ARRB2: variants seen among roughly 807,000 people sequenced by gnomAD.
ARRB2 encodes the protein beta-arrestin-2.
ARRB2 carries 21 observed loss-of-function variants against 53.4 expected under a neutral mutation model. The observed-to-expected ratio is 0.39, with a 90% CI of 0.28 to 0.57. The LOEUF is 0.57. Ranked by LOEUF, ARRB2 falls within the 20% of genes least tolerant of loss-of-function variation. The probability of loss-of-function intolerance (pLI) is 0.55; values close to 1 mark genes in which losing one functional copy is unlikely to be tolerated. For synonymous variants in ARRB2, 180 were observed against 212.9 expected (o/e 0.85, Z 1.34); for missense variants, 369 against 527.5 (o/e 0.70, Z 2.94).
In ARRB2 at chr17:4,716,516, C is replaced by T; in HGVS notation, c.265C>T (p.Pro89Ser). The T allele has an allele frequency of 6.2e-7, 1 of 1,613,390 alleles. No individual in the cohort carries two copies. The highest frequency in any genetic ancestry group is 8.5e-7 in the Non-Finnish European group (1 of 1,179,936). ...GTTCATCGCCACCTACCAGGCCTTCCCCCCGGTGCCCAACCCACCCCGGCC... is the reference window on the plus strand; with the variant it reads ...GTTCATCGCCACCTACCAGGCCTTCTCCCCGGTGCCCAACCCACCCCGGCC... ...DLFIATYQAF[P>S]PVPNPPRPPT... Residue 89 changes from proline to serine, a missense_variant, in exon 5 of 15, where the codon CCC becomes TCC. By Grantham distance (74) the Pro-to-Ser change is moderately conservative (BLOSUM62 -1). Coordinates refer to ENST00000269260, the MANE Select transcript of ARRB2 (RefSeq NM_004313.4).
chr17:4,715,720 C>CACAAACACACAA (rs1555559654), intron 2 of ARRB2: 9 of 397,180 alleles, frequency 2.3e-5, no homozygotes, highest in Non-Finnish European at 4.1e-5. Flanking sequence ...CACACACACA[C>CACAAACACACAA]ACACAAACAC....
At chr17:4,720,847 C>A in intron 14 of ARRB2, 99 bp from the exon 15 acceptor site, 1 of 1,313,386 alleles carries the variant, frequency 7.6e-7, no homozygotes, top group Middle Eastern at 1.9e-4. Context: ...TGTTCGAACG[C>A]CTCTGTCCCA....
intron 8 of ARRB2, 98 bp from the exon 9 acceptor site, chr17:4,718,163 G>A: frequency 6.5e-7 from 1 of 1,545,030 alleles, no homozygotes; most frequent in Non-Finnish European, 8.8e-7. Flanking sequence ...TGGGTTTGAG[G>A]GGAGGGGGCC....
Position 4,716,036 on chromosome 17 carries a change from A to C in ARRB2, c.115+3A>C. ...CCTGGACAAAGTGGACCCTGTAGGT[A>C]AGTTTTCCCAGAAAGGGACAGCTCG... On this transcript the variant is annotated splice_donor_region_variant and intron_variant, in intron 3 of 14. Coordinates refer to ENST00000269260, the MANE Select transcript of ARRB2 (RefSeq NM_004313.4). 1 of 1,614,166 alleles carries C rather than the reference A, an allele frequency of 6.2e-7. No individual in the cohort carries two copies. Among genetic ancestry groups the C allele is most frequent in the Non-Finnish European group, 8.5e-7 (1 of 1,180,028 alleles).
At chr17:4,718,055 G>C in intron 8 of ARRB2, 32 bp downstream of exon 8, 18 of 1,611,336 alleles carry the variant, frequency 1.1e-5, no homozygotes, top group Non-Finnish European at 1.4e-5. Flanking sequence ...CGGATGCCAC[G>C]GTGCAGTTTA....
Position 4,720,260 on chromosome 17 carries a change from C to T in ARRB2, c.962C>T (p.Ser321Phe), listed in dbSNP as rs779041098. 3 of 1,613,918 alleles carry T rather than the reference C, an allele frequency of 1.9e-6. No homozygotes were observed. The Admixed American group carries it at 5.0e-5, about 27-fold the overall frequency. Reference protein sequence around the residue: ...ANKEVLGILVSYRVKVKLVVS... With the variant: ...ANKEVLGILVFYRVKVKLVVS... ...AAGGAGGTGCTGGGAATCCTGGTGT[C>T]CTACAGGGTCAAGGTGAAGCTGGTG... Residue 321 changes from serine (S) to phenylalanine (F), a missense_variant, in exon 12 of 15, where the codon TCC becomes TTC. Physicochemically the swap from Ser to Phe is radical, Grantham distance 155. Coordinates refer to ENST00000269260, the MANE Select transcript of ARRB2 (RefSeq NM_004313.4).
Position 4,716,442 on chromosome 17 carries a change from A to G in ARRB2, c.191A>G (p.Tyr64Cys). 1 of 1,614,136 alleles carries G rather than the reference A, an allele frequency of 6.2e-7. No homozygotes were observed. Among genetic ancestry groups the G allele is most frequent in the Non-Finnish European group, 8.5e-7 (1 of 1,180,016 alleles). ...VFVTLTCAFR[Y>C]GREDLDVLGL... ...GTGACCCTCACCTGCGCCTTCCGCT[A>G]TGGCCGTGAAGACCTGGATGTGCTG... The change falls in exon 5 of 15, where the codon TAT becomes TGT. Residue 64 changes from tyrosine to cysteine, a missense_variant. Physicochemically the swap from Tyr to Cys is radical, Grantham distance 194. Transcript: ENST00000269260.
chr17:4,716,334 G>A, intron 4 of ARRB2, 78 bp from the exon 5 acceptor site: 1 of 1,609,290 alleles, frequency 6.2e-7, no homozygotes, highest in Non-Finnish European at 8.5e-7. Flanking sequence ...TGCTGCTGAG[G>A]GAGGAGCAGC....
rs760055364 is a variant in ARRB2 at position 4,716,100 on chromosome 17, C to T, written c.116-47C>T. The T allele has an allele frequency of 1.5e-5, 24 of 1,614,010 alleles. No homozygotes were observed. In the Middle Eastern group the frequency reaches 8.2e-4, roughly 55 times the overall value. The stretch of plus-strand genomic sequence containing the variant: ...GAAGAAGTTCCCGGGCCCAGGAAAG[C>T]GGGGAGCGGCCCTTTCAGGAAGTGA... On this transcript the variant is annotated intron_variant, in intron 3 of 14. Transcript: ENST00000269260.
intron 2 of ARRB2, 135 bp from the exon 3 acceptor site, chr17:4,715,838 T>C (rs1173882279): frequency 3.0e-6 from 3 of 1,006,434 alleles, no homozygotes; most frequent in African/African-American, 3.2e-5. Context: ...TCCAACACTA[T>C]TGGGAGGAAA....
rs1040780488 is a variant in ARRB2 at position 4,717,125 on chromosome 17, C to A, written c.358-92C>A. 5 of 1,408,876 alleles carry A rather than the reference C, an allele frequency of 3.5e-6. No individual in the cohort carries two copies. Among genetic ancestry groups the A allele is most frequent in the Non-Finnish European group, 5.0e-6 (5 of 995,514 alleles). 87.3% of individuals were successfully genotyped at this position (1,408,876 alleles called of 1,614,324 possible). On this transcript the variant is annotated intron_variant, in intron 5 of 14. Coordinates refer to ENST00000269260, the MANE Select transcript of ARRB2 (RefSeq NM_004313.4). The surrounding 1 kb of genome is among the most constrained non-coding windows in gnomAD (Gnocchi z 6.0). ...TTGGGATTACAGGCATGAGCCACCA[C>A]ACCCAGCGTCTCCAGCCTCTTAGGT... is the stretch of plus-strand genomic sequence containing the variant.
chr17:4,713,579 C>G (rs186126424), intron 1 of ARRB2, among the ~76,000 whole-genome samples: 1 of 149,876 alleles, frequency 6.7e-6, no homozygotes, highest in South Asian at 2.1e-4. Flanking sequence ...CGCAGTGAGC[C>G]GAGATCGCAC....
rs1018336336 is a variant in ARRB2, at chr17:4,715,496, CACATACACACAT to C, written c.54+457_55-462del. 30 of 149,108 alleles carry C rather than the reference CACATACACACAT, an allele frequency of 2.0e-4. 1 individual carries two copies. The highest frequency in any genetic ancestry group is 1.2e-3 in the South Asian group (17 of 14,366). The allele number at this position is 149,108 out of a possible 1,614,324, so 9.2% of individuals were successfully genotyped here. A position where few individuals can be genotyped will look rare whatever the true frequency, so the allele number is the denominator to read the frequency against. On this transcript the variant is annotated intron_variant, in intron 2 of 14. Coordinates refer to ENST00000269260, the MANE Select transcript of ARRB2 (RefSeq NM_004313.4). The stretch of plus-strand genomic sequence containing the variant: ...ACACACACACACACAGACACACACA[CACATACACACAT>C]ACACACACACCTGGCTGGTTGGGCT...
Position 4,716,529 on chromosome 17 carries a change from A to ACCCCCCCCCCCCCCCCCCCCCCCCCCC in ARRB2, c.281_282insCCCCCCCCCCCCCCCCCCCCCCCCCCC (p.Pro95_Arg96insProProProProProProProProPro). The ACCCCCCCCCCCCCCCCCCCCCCCCCCC allele has an allele frequency of 6.6e-7, 1 of 1,520,822 alleles. No homozygotes were observed. Among genetic ancestry groups the ACCCCCCCCCCCCCCCCCCCCCCCCCCC allele is most frequent in the Non-Finnish European group, 8.9e-7 (1 of 1,124,376 alleles). The allele number at this position is 1,520,822 out of a possible 1,614,324, so 94.2% of individuals were successfully genotyped here. On this transcript the variant is annotated inframe_insertion, in exon 5 of 15. Transcript: ENST00000269260. ...TACCAGGCCTTCCCCCCGGTGCCCAACCCACCCCGGCCCCCCACCCGCCTG... is the reference window on the plus strand; with the variant it reads ...TACCAGGCCTTCCCCCCGGTGCCCAACCCCCCCCCCCCCCCCCCCCCCCCCCCCCCACCCCGGCCCCCCACCCGCCTG...
Position 4,716,428 on chromosome 17 carries a change from C to T in ARRB2, c.177C>T (p.Thr59=). 1.9e-6 allele frequency: 3 copies of T among 1,614,180 alleles called. No homozygotes were observed. The highest frequency in any genetic ancestry group is 2.2e-5 in the South Asian group (2 of 91,082). The change falls in exon 5 of 15, where the codon ACC becomes ACT. Residue 59 remains threonine (T), a synonymous_variant. Transcript: ENST00000269260. The part of the protein sequence containing the change: ...LKDRKVFVTL[T]CAFRYGREDL... ...CCTTGCCAGTGTTTGTGACCCTCACCTGCGCCTTCCGCTATGGCCGTGAAG... is the reference window on the plus strand; with the variant it reads ...CCTTGCCAGTGTTTGTGACCCTCACTTGCGCCTTCCGCTATGGCCGTGAAG...
In ARRB2 at chr17:4,717,486, T is replaced by G; in HGVS notation, c.418-199T>G. 3.4e-6 allele frequency: 3 copies of G among 876,148 alleles called. No homozygotes were observed. The highest frequency in any genetic ancestry group is 5.3e-6 in the Non-Finnish European group (3 of 563,778). 54.3% of individuals were successfully genotyped at this position (876,148 alleles called of 1,614,324 possible). Reference sequence around the variant, plus strand: ...CTGTGGACCCGCATGGATCTGGGGATGGGGGCTCCCCTTGCACTACCATGA... The same window carrying G: ...CTGTGGACCCGCATGGATCTGGGGAGGGGGGCTCCCCTTGCACTACCATGA... On this transcript the variant is annotated intron_variant, in intron 6 of 14. Transcript: ENST00000269260. The surrounding 1 kb of genome is among the most constrained non-coding windows in gnomAD (Gnocchi z 6.0).
At chr17:4,711,587 G>T (rs184396530) in intron 1 of ARRB2, among the ~76,000 whole-genome samples, 77 of 152,292 alleles carry the variant, frequency 5.1e-4, no homozygotes, top group African/African-American at 1.2e-3. Context: ...GCTCTGGCTT[G>T]CTCTGCAAAA....
Position 4,721,448 on chromosome 17 carries a change from C to T in ARRB2, c.*409C>T, listed in dbSNP as rs575209467. Reference sequence around the variant, plus strand: ...AGAGGAGACCCTTTGGGGACAAGGCCGTTTCTTTGTTTCTGAGCATAAAGA... The same window carrying T: ...AGAGGAGACCCTTTGGGGACAAGGCTGTTTCTTTGTTTCTGAGCATAAAGA... On this transcript the variant is annotated 3_prime_UTR_variant, in exon 15 of 15. Coordinates refer to ENST00000269260, the MANE Select transcript of ARRB2 (RefSeq NM_004313.4). This position sits in a 1 kb window ranked among gnomAD's most constrained non-coding sequence, Gnocchi z 4.2. 137 of 397,890 alleles carry T rather than the reference C, an allele frequency of 3.4e-4. No homozygotes were observed. The highest frequency in any genetic ancestry group is 2.6e-3 in the African/African-American group (126 of 48,660). 24.6% of individuals were successfully genotyped at this position (397,890 alleles called of 1,614,324 possible). A position where few individuals can be genotyped will look rare whatever the true frequency, so the allele number is the denominator to read the frequency against.
Position 4,717,730 on chromosome 17 carries a change from C to G in ARRB2, c.463C>G (p.Leu155Val), listed in dbSNP as rs750455960. The G allele has an allele frequency of 6.2e-7, 1 of 1,613,516 alleles. No individual in the cohort carries two copies. The highest frequency in any genetic ancestry group is 1.1e-5 in the South Asian group (1 of 91,084). Residue 155 changes from leucine (L) to valine (V), a missense_variant, in exon 7 of 15, where the codon CTA becomes GTA. Physicochemically the swap from Leu to Val is conservative, Grantham distance 32. Coordinates refer to ENST00000269260, the MANE Select transcript of ARRB2 (RefSeq NM_004313.4). This position sits in a 1 kb window ranked among gnomAD's most constrained non-coding sequence, Gnocchi z 6.0. ...GATTCGAGCCTTCTGTGCTAAATCA[C>G]TAGAAGAGAAAAGCCACAAAAGGTA... ...FEIRAFCAKS[L>V]EEKSHKRNSV...
Sources: allele counts gnomAD v4.1 joint callset (sites outside exome capture counted in the v4.1 genomes callset), GRCh38; gene constraint gnomAD v4.1.1; non-coding constraint Gnocchi (gnomAD v3.1); transcripts MANE v1.5; gene names NCBI Gene and HGNC (gene_info 2026-07-23, HGNC 2026-07-21).